The following CLEC16A variants were observed in gnomAD, a reference collection of about 807,000 sequenced individuals.
The protein encoded by CLEC16A is C-type lectin domain containing 16A.
Under a neutral mutation model 109.5 loss-of-function variants are expected in CLEC16A, and 51 were observed. The ratio of observed to expected loss-of-function variants is 0.47; its 90% CI spans 0.37 to 0.59. The LOEUF (loss-of-function observed/expected upper bound fraction) is 0.59, where lower values mean the gene tolerates loss of function less well. Among genes scored for constraint, CLEC16A ranks in the 20% least tolerant of loss-of-function variants. The probability of loss-of-function intolerance (pLI) is 0.00; values close to 1 mark genes in which losing one functional copy is unlikely to be tolerated. For synonymous variants in CLEC16A, 673 were observed against 564.2 expected (o/e 1.19, Z -2.73); for missense variants, 1,339 against 1,394.0 (o/e 0.96, Z 0.63).
intron 22 of CLEC16A, among the ~76,000 whole-genome samples, chr16:11,132,731 G>C (rs76063089): frequency 3.3e-5 from 5 of 152,194 alleles, no homozygotes; most frequent in African/African-American, 1.2e-4. Flanking sequence ...GAAGGCACTT[G>C]GCCAGGGGGT....
chr16:10,953,664 A>G (rs1430854985), intron 1 of CLEC16A, among the ~76,000 whole-genome samples: 1 of 152,156 alleles, frequency 6.6e-6, no homozygotes, highest in Non-Finnish European at 1.5e-5. Flanking sequence ...AAGCAAGAAA[A>G]AGCCACACAG....
chr16:11,009,913 G>T (rs2045295228), intron 11 of CLEC16A, among the ~76,000 whole-genome samples: 2 of 152,148 alleles, frequency 1.3e-5, no homozygotes, highest in South Asian at 2.1e-4. Context: ...CAGCACTTCG[G>T]GAGGCCAACA....
intron 1 of CLEC16A, among the ~76,000 whole-genome samples, chr16:10,952,833 G>A (rs2041803433): frequency 6.6e-6 from 1 of 152,164 alleles, no homozygotes; most frequent in East Asian, 1.9e-4. Flanking sequence ...ATTTACAATA[G>A]CATAAAAAAA....
Position 10,944,594 on chromosome 16 carries a change from G to T in CLEC16A, c.-124G>T. ...TGGGCTGTGGGCCGGGGAGGAAGGC[G>T]GCTCGCGGTTCCTCCACCGCCTCCG... On this transcript the variant is annotated 5_prime_UTR_variant, in exon 1 of 24. Coordinates refer to ENST00000409790, the MANE Select transcript of CLEC16A (RefSeq NM_015226.3). The T allele has an allele frequency of 1.1e-6, 1 of 917,716 alleles. No homozygotes were observed. Among genetic ancestry groups the T allele is most frequent in the South Asian group, 1.6e-5 (1 of 61,882 alleles). The allele number at this position is 917,716 out of a possible 1,614,324, so 56.8% of individuals were successfully genotyped here. A position where few individuals can be genotyped will look rare whatever the true frequency, so the allele number is the denominator to read the frequency against.
intron 19 of CLEC16A, among the ~76,000 whole-genome samples, chr16:11,072,261 T>C (rs565705389): frequency 6.6e-6 from 1 of 151,948 alleles, no homozygotes; most frequent in Admixed American, 6.6e-5. Context: ...CTGGGACTAC[T>C]GGCACGTGCC....
intron 22 of CLEC16A, chr16:11,157,116 C>T (rs2054563016): frequency 7.7e-7 from 1 of 1,303,032 alleles, no homozygotes; most frequent in Non-Finnish European, 1.0e-6. Flanking sequence ...AGGATTTATC[C>T]ATGGATAAAG....
intron 19 of CLEC16A, among the ~76,000 whole-genome samples, chr16:11,092,361 A>ACAC (rs2050354709): frequency 3.5e-4 from 46 of 132,542 alleles, no homozygotes; most frequent in African/African-American, 1.1e-3. Context: ...AACAAAAACA[A>ACAC]ACACACACAC....
intron 13 of CLEC16A, among the ~76,000 whole-genome samples, chr16:11,033,455 CTGGGGAAGCTGCCTCG>C (rs2152833444): frequency 6.6e-6 from 1 of 152,308 alleles, no homozygotes; most frequent in South Asian, 2.1e-4. Flanking sequence ...GCCCAGGTGC[CTGGGGAAGCTGCCTCG>C]TGGGGGAGCT....
At chr16:11,132,449 C>A (rs772499981) in intron 22 of CLEC16A, among the ~76,000 whole-genome samples, 1 of 152,218 alleles carries the variant, frequency 6.6e-6, no homozygotes, top group Non-Finnish European at 1.5e-5. Context: ...TTTGCTTCCA[C>A]CTTCATCCAT....
intron 8 of CLEC16A, 129 bp downstream of exon 8, chr16:10,977,528 T>A: frequency 2.2e-6 from 2 of 909,116 alleles, no homozygotes; most frequent in Non-Finnish European, 3.2e-6. Context: ...TTGTTTGTTT[T>A]TAAAAGACGG....
In CLEC16A at chr16:11,178,323, C is replaced by T; in HGVS notation, c.2807-12C>T. 2 of 1,594,968 alleles carry T rather than the reference C, an allele frequency of 1.3e-6. No homozygotes were observed. The highest frequency in any genetic ancestry group is 1.7e-6 in the Non-Finnish European group (2 of 1,166,622). ...GGCTCAGTGTGTTTCCGGTTTTTCT[C>T]CCCCAATCCAGATGCCCCCATGAGT... On this transcript the variant is annotated splice_polypyrimidine_tract_variant and intron_variant, in intron 23 of 23. Transcript: ENST00000409790. This position sits in a 1 kb window ranked among gnomAD's most constrained non-coding sequence, Gnocchi z 6.5.
At chr16:11,088,623 C>T (rs118050618) in intron 19 of CLEC16A, among the ~76,000 whole-genome samples, 119 of 152,316 alleles carry the variant, frequency 7.8e-4, no homozygotes, top group Non-Finnish European at 6.6e-4. Context: ...CCCCCAGCCA[C>T]GCGCGGAGAG....
intron 14 of CLEC16A, chr16:11,040,400 A>C (rs369351160): frequency 3.3e-5 from 5 of 153,008 alleles, no homozygotes; most frequent in African/African-American, 1.2e-4. Flanking sequence ...GCTGGGGCTG[A>C]GTGGGGTGGG....
At chr16:11,018,636 C>G (rs2045908079) in intron 11 of CLEC16A, among the ~76,000 whole-genome samples, 1 of 151,302 alleles carries the variant, frequency 6.6e-6, no homozygotes, top group Admixed American at 6.6e-5. Flanking sequence ...GTAGTCCCAG[C>G]TACTCAGGAG....
chr16:11,071,793 G>A (rs1048740778), intron 19 of CLEC16A, among the ~76,000 whole-genome samples: 25 of 130,248 alleles, frequency 1.9e-4, no homozygotes, highest in Non-Finnish European at 3.4e-4. Context: ...ATGAGGTTTC[G>A]CTGTGTTGCC....
At chr16:11,122,625 G>C (rs1361679541) in intron 20 of CLEC16A, among the ~76,000 whole-genome samples, 2 of 152,160 alleles carry the variant, frequency 1.3e-5, no homozygotes, top group Non-Finnish European at 2.9e-5. Flanking sequence ...GCCAAATGTA[G>C]TGCCTGAGAA....
At chr16:10,981,301 G>A (rs1353610235) in intron 9 of CLEC16A, among the ~76,000 whole-genome samples, 1 of 152,238 alleles carries the variant, frequency 6.6e-6, no homozygotes, top group East Asian at 1.9e-4. Flanking sequence ...AGAGTGATGT[G>A]TGGCAGTAAT....
intron 10 of CLEC16A, among the ~76,000 whole-genome samples, chr16:10,986,753 G>GTGTGTGTGTGTA (rs2043689306): frequency 7.2e-6 from 1 of 138,802 alleles, no homozygotes; most frequent in African/African-American, 2.8e-5. Flanking sequence ...GTGTGTGTGT[G>GTGTGTGTGTGTA]TGTGTGTGTA....
At chr16:11,126,981 C>A (rs1441195113) in intron 22 of CLEC16A, among the ~76,000 whole-genome samples, 1 of 152,172 alleles carries the variant, frequency 6.6e-6, no homozygotes, top group African/African-American at 2.4e-5. Flanking sequence ...AGTCCTGGTT[C>A]CCCCATGTGA....
Sources: gnomAD v4.1 joint callset for allele counts (sites outside exome capture counted in the v4.1 genomes callset) on GRCh38, gnomAD v4.1.1 for gene constraint, Gnocchi (gnomAD v3.1) non-coding constraint, MANE v1.5 for transcripts, NCBI Gene and HGNC (gene_info 2026-07-23, HGNC 2026-07-21) for gene names.